ANKRD30A: variants seen among roughly 807,000 people sequenced by gnomAD.
ANKRD30A encodes ankyrin repeat domain-containing protein 30A.
A neutral mutation model predicts 166.3 loss-of-function variants in ANKRD30A; 170 were observed. The observed-to-expected ratio is 1.02, with a 90% CI of 0.90 to 1.16. The LOEUF (loss-of-function observed/expected upper bound fraction) is 1.16, where lower values mean the gene tolerates loss of function less well. Ranked by LOEUF, ANKRD30A falls within the 50% of genes most tolerant of loss-of-function variation. The probability of loss-of-function intolerance (pLI) is 0.00; values close to 1 mark genes in which losing one functional copy is unlikely to be tolerated. For synonymous variants in ANKRD30A, 564 were observed against 508.9 expected (o/e 1.11, Z -1.46); for missense variants, 1,630 against 1,518.0 (o/e 1.07, Z -1.23).
chr10:37,163,028 A>AT (rs1010213065), intron 17 of ANKRD30A, among the ~76,000 whole-genome samples, 180 bp downstream of exon 17: 8 of 152,072 alleles, frequency 5.3e-5, no homozygotes, highest in African/African-American at 1.9e-4. Flanking sequence ...TTTTCAATAT[A>AT]TTTTTTAAAA....
At chr10:37,251,166 G>T in the ANKRD30A span, among the ~76,000 whole-genome samples, 1 of 152,154 alleles carries the variant, frequency 6.6e-6, no homozygotes, top group African/African-American at 2.4e-5. Context: ...CATACAATCT[G>T]GCAAGAGTAG....
Position 37,219,508 on chromosome 10 carries a change from A to T in ANKRD30A, c.3796A>T (p.Asn1266Tyr), listed in dbSNP as rs763342636. 5 of 1,610,344 alleles carry T rather than the reference A, an allele frequency of 3.1e-6. No homozygotes were observed. In the South Asian group the frequency reaches 5.5e-5, roughly 18 times the overall value. ...AQRKSKSLKI[N>Y]LNYAGDALRE... ...AAGGAAATCCAAAAGCCTAAAAATT[A>T]ATCTCAATTATGCAGGAGATGCTCT... Residue 1266 changes from asparagine (N) to tyrosine (Y), a missense_variant, in exon 34 of 36, where the codon AAT becomes TAT. This residue lies in a region of ANKRD30A where 712 missense variants were observed against 629.3 expected (regional missense o/e 1.13). Transcript: ENST00000361713.
Position 37,199,754 on chromosome 10 carries a change from A to C in ANKRD30A, c.2744A>C (p.Gln915Pro), listed in dbSNP as rs755559517. Reference protein sequence around the residue: ...ADQMFPSESKQKKVEENSWDS... With the variant: ...ADQMFPSESKPKKVEENSWDS... ...CAGATGTTCCCTTCAGAATCAAAAC[A>C]AAAGAAGGTTGAAGAAAATTCTTGG... The change falls in exon 30 of 36, where the codon CAA (glutamine) becomes CCA (proline). Residue 915 changes from glutamine to proline, a missense_variant. Coordinates refer to ENST00000361713, the MANE Select transcript of ANKRD30A (RefSeq NM_052997.3). 2.6e-5 allele frequency: 41 copies of C among 1,582,494 alleles called. No homozygotes were observed. The East Asian group carries it at 8.3e-4, about 32-fold the overall frequency.
chr10:37,134,456 A>G (rs1164347460), intron 5 of ANKRD30A, among the ~76,000 whole-genome samples: 1 of 152,174 alleles, frequency 6.6e-6, no homozygotes, highest in Non-Finnish European at 1.5e-5. Context: ...TGTTGTTTCC[A>G]TTGATTCTGT....
chr10:37,247,391 C>A, the ANKRD30A span, among the ~76,000 whole-genome samples: 1 of 152,042 alleles, frequency 6.6e-6, no homozygotes, highest in Non-Finnish European at 1.5e-5. Flanking sequence ...GTGTTCAATG[C>A]ATTTATCTTA....
At chr10:37,153,172 G>A (rs1043076341) in intron 12 of ANKRD30A, among the ~76,000 whole-genome samples, 4 of 152,104 alleles carry the variant, frequency 2.6e-5, no homozygotes, top group African/African-American at 9.7e-5. Flanking sequence ...TATTTTAAAT[G>A]TTTAATGCTG....
rs61480898 is a variant in ANKRD30A at position 37,167,287 on chromosome 10, A to AATAT, written c.2155+604_2155+607dup. ...TTTTCTTTATTACTATGAGGCGTCA[A>AATAT]ATATATATATATATAGATGTGTGCA... On this transcript the variant is annotated intron_variant, in intron 19 of 35. Coordinates refer to ENST00000361713, the MANE Select transcript of ANKRD30A (RefSeq NM_052997.3). 2.9e-3 allele frequency among the ~76,000 whole-genome samples: 365 copies of AATAT among 126,546 alleles called. 36 individuals are homozygous for AATAT. The highest frequency in any genetic ancestry group is 8.0e-3 in the Middle Eastern group (2 of 250). 83.0% of individuals were successfully genotyped at this position (126,546 alleles called of 152,430 possible). A position where few individuals can be genotyped will look rare whatever the true frequency, so the allele number is the denominator to read the frequency against.
intron 29 of ANKRD30A, among the ~76,000 whole-genome samples, chr10:37,198,002 G>A (rs567669005): frequency 6.6e-6 from 1 of 152,094 alleles, no homozygotes; most frequent in Admixed American, 6.6e-5. Context: ...GTGTATGTGT[G>A]TGGTAACTTT....
chr10:37,130,017 A>G lies in ANKRD30A; in HGVS notation c.336+10A>G. On this transcript the variant is annotated intron_variant, in intron 2 of 35. Coordinates refer to ENST00000361713, the MANE Select transcript of ANKRD30A (RefSeq NM_052997.3). ...GACACCTCTGATGAAGGTAAATAGT[A>G]GCCAGATTTTTCAGCAGGAGATGGA... The G allele has an allele frequency of 6.8e-7, 1 of 1,477,294 alleles. No homozygotes were observed. The highest frequency in any genetic ancestry group is 9.0e-7 in the Non-Finnish European group (1 of 1,110,268). 91.5% of individuals were successfully genotyped at this position (1,477,294 alleles called of 1,614,324 possible).
chr10:37,258,927 C>A, the ANKRD30A span, among the ~76,000 whole-genome samples: 3 of 138,184 alleles, frequency 2.2e-5, no homozygotes, highest in Non-Finnish European at 4.5e-5. Context: ...TGTGCTACTG[C>A]ACCCTAGCCT....
rs1843410091 is a variant in ANKRD30A, at chr10:37,231,462, A to C, written c.4187A>C (p.Asn1396Thr). Residue 1396 changes from asparagine to threonine, a missense_variant and splice_region_variant, in exon 35 of 36, where the codon AAC (asparagine) becomes ACC (threonine). Coordinates refer to ENST00000361713, the MANE Select transcript of ANKRD30A (RefSeq NM_052997.3). Reference sequence around the variant, plus strand: ...ATTTTCCTTTTGCAATCTTCACAGAACTCATGAGAGACAAGCAGTAAGAAA... The same window carrying C: ...ATTTTCCTTTTGCAATCTTCACAGACCTCATGAGAGACAAGCAGTAAGAAA... ...QYEKEKAETE[N>T]S is the part of the protein sequence containing the mutation. 1.3e-6 allele frequency: 2 copies of C among 1,589,070 alleles called. No homozygotes were observed. The highest frequency in any genetic ancestry group is 1.7e-6 in the Non-Finnish European group (2 of 1,166,220).
At chr10:37,193,147 A>T in intron 26 of ANKRD30A, 39 bp from the exon 27 acceptor site, 1 of 1,607,550 alleles carries the variant, frequency 6.2e-7, no homozygotes, top group Non-Finnish European at 8.5e-7. Context: ...TATGAAGTAT[A>T]CATTGTATAT....
intron 34 of ANKRD30A, among the ~76,000 whole-genome samples, chr10:37,223,609 A>G (rs185659336): frequency 1.1e-3 from 164 of 151,548 alleles, no homozygotes; most frequent in African/African-American, 3.7e-3. Flanking sequence ...TTGGAAGTTT[A>G]AATTCCACAA....
chr10:37,217,839 A>G lies in ANKRD30A; in HGVS notation c.3228A>G (p.Gln1076=). ...KQQLEQALRI[Q]DIELKSVESN... The stretch of plus-strand genomic sequence containing the variant: ...AACTTGAACAGGCTCTCAGAATACA[A>G]GATATAGAATTGAAGAGTGTAGAAA... The change falls in exon 33 of 36, where the codon CAA becomes CAG. Residue 1076 remains glutamine, a synonymous_variant. Transcript: ENST00000361713. 1 of 1,596,746 alleles carries G rather than the reference A, an allele frequency of 6.3e-7. No individual in the cohort carries two copies. Among genetic ancestry groups the G allele is most frequent in the Non-Finnish European group, 8.5e-7 (1 of 1,171,790 alleles).
At chr10:37,241,321 T>A in the ANKRD30A span, 4 of 150,858 alleles carry the variant, frequency 2.7e-5, no homozygotes, top group Non-Finnish European at 5.9e-5. Flanking sequence ...AATTGTAATA[T>A]TTTATTACTG....
intron 31 of ANKRD30A, among the ~76,000 whole-genome samples, chr10:37,210,035 A>G (rs1239751701): frequency 1.3e-5 from 2 of 152,074 alleles, no homozygotes; most frequent in East Asian, 1.9e-4. Context: ...ACATAGGTAT[A>G]CACATTCCAT....
At position 37,133,988 on chromosome 10, in the gene ANKRD30A, C is replaced by T. The variant is rs375872763; in HGVS notation, c.690C>T (p.Asp230=). ...GCATGCTTCTTCAGCAAAATGTTGA[C>T]GTCTTTGCTGCAGATATATGTGGAG... is the stretch of plus-strand genomic sequence containing the variant. ...IVGMLLQQNV[D]VFAADICGVT... is the part of the protein sequence containing the mutation. The change falls in exon 5 of 36, where the codon GAC becomes GAT. Residue 230 remains aspartate (D), a synonymous_variant. Transcript: ENST00000361713. 547 of 1,613,982 alleles carry T rather than the reference C, an allele frequency of 3.4e-4. 1 individual carries two copies. The highest frequency in any genetic ancestry group is 4.3e-4 in the Non-Finnish European group (507 of 1,179,912).
chr10:37,134,189 A>G (rs1371291264), intron 5 of ANKRD30A, 136 bp downstream of exon 5: 8 of 1,057,784 alleles, frequency 7.6e-6, no homozygotes, highest in African/African-American at 1.6e-5. Context: ...TGGGTCCAGG[A>G]TTCTTTATTT....
At chr10:37,135,193 C>T (rs1034387271) in intron 5 of ANKRD30A, 9 of 152,166 alleles carry the variant, frequency 5.9e-5, no homozygotes, top group African/African-American at 1.9e-4. Flanking sequence ...AGAGCTAAGC[C>T]TCATCCATCA....
Sources: allele counts gnomAD v4.1 joint callset (sites outside exome capture counted in the v4.1 genomes callset), GRCh38; gene constraint gnomAD v4.1.1; regional missense constraint gnomAD v4.1.1; transcripts MANE v1.5; gene names NCBI Gene and HGNC (gene_info 2026-07-23, HGNC 2026-07-21).